Variants in B3GALT1 observed in about 807,000 individuals in gnomAD.
B3GALT1 encodes beta-1,3-galactosyltransferase 1.
A neutral mutation model predicts 23.2 loss-of-function variants in B3GALT1; 10 were observed. That is an observed-to-expected ratio of 0.43 (90% CI 0.27 to 0.73). B3GALT1 has a LOEUF of 0.73. Ranked by LOEUF, B3GALT1 falls within the 30% of genes least tolerant of loss-of-function variation. B3GALT1 has a pLI of 0.21. For missense variants in B3GALT1, 299 were observed against 405.4 expected (o/e 0.74, Z 2.25); for synonymous variants, 156 against 141.5 (o/e 1.10, Z -0.73).
intron 4 of B3GALT1, among the ~76,000 whole-genome samples, chr2:167,839,019 G>T (rs1442227248): frequency 4.9e-4 from 75 of 152,358 alleles, no homozygotes; most frequent in African/African-American, 1.7e-3. Flanking sequence ...GTATTGATGG[G>T]ACGTATCTGA....
At position 167,576,839 on chromosome 2, in the gene B3GALT1, A is replaced by G. The variant is rs1257339494; in HGVS notation, c.-409-70070A>G. The stretch of plus-strand genomic sequence containing the variant: ...GGGAAATTAATGCGACTCTCACCAC[A>G]TTCACCCTGCCTTATCTTCTTGCCA... On this transcript the variant is annotated intron_variant, in intron 2 of 4. Coordinates refer to ENST00000392690, the MANE Select transcript of B3GALT1 (RefSeq NM_020981.4). Among the ~76,000 whole-genome samples the G allele has an allele frequency of 9.9e-5, 15 of 151,700 alleles. 1 individual carries two copies.
intron 2 of B3GALT1, among the ~76,000 whole-genome samples, chr2:167,625,403 A>C (rs902718110): frequency 6.6e-6 from 1 of 151,876 alleles, no homozygotes; most frequent in African/African-American, 2.4e-5. Context: ...AATATTATGT[A>C]ATGGGCTAAA....
intron 1 of B3GALT1, among the ~76,000 whole-genome samples, chr2:167,462,349 T>C (rs1303069202): frequency 6.6e-6 from 1 of 152,184 alleles, no homozygotes; most frequent in African/African-American, 2.4e-5. Flanking sequence ...TGCCATAAAA[T>C]TTGAAAGTCC....
At chr2:167,642,947 C>A (rs1246007738) in intron 2 of B3GALT1, among the ~76,000 whole-genome samples, 2 of 152,074 alleles carry the variant, frequency 1.3e-5, no homozygotes, top group Non-Finnish European at 2.9e-5. Flanking sequence ...TTTATACTTT[C>A]AGAGGACTCA....
At chr2:167,352,168 C>T (rs1019486643) in intron 1 of B3GALT1, among the ~76,000 whole-genome samples, 18 of 149,778 alleles carry the variant, frequency 1.2e-4, no homozygotes, top group Non-Finnish European at 2.4e-4. Flanking sequence ...GGGGTTTCCC[C>T]ATGTTGGCCA....
chr2:167,554,085 C>T (rs1378050238), intron 2 of B3GALT1, among the ~76,000 whole-genome samples: 3 of 152,180 alleles, frequency 2.0e-5, no homozygotes, highest in Admixed American at 2.0e-4. Flanking sequence ...CCGCTGGTCA[C>T]TGGCCTAGAT....
intron 1 of B3GALT1, among the ~76,000 whole-genome samples, chr2:167,366,273 G>A (rs562369559): frequency 4.6e-5 from 7 of 152,070 alleles, no homozygotes; most frequent in Non-Finnish European, 8.8e-5. Flanking sequence ...TACCTGTTTG[G>A]CTCCAAAATT....
At chr2:167,466,879 ATTTTTTTTT>A (rs567975404) in intron 1 of B3GALT1, among the ~76,000 whole-genome samples, 5 of 85,048 alleles carry the variant, frequency 5.9e-5, no homozygotes, top group East Asian at 3.7e-4. Flanking sequence ...CGCCTGGCTA[ATTTTTTTTT>A]TTTTTTTTTT....
intron 3 of B3GALT1, among the ~76,000 whole-genome samples, chr2:167,783,514 A>G (rs1574260475): frequency 6.6e-6 from 1 of 152,226 alleles, no homozygotes; most frequent in Non-Finnish European, 1.5e-5. Flanking sequence ...ATCTGAAGAA[A>G]AAAAGGAATA....
intron 3 of B3GALT1, among the ~76,000 whole-genome samples, chr2:167,672,147 A>G (rs1315013078): frequency 6.6e-6 from 1 of 151,972 alleles, no homozygotes; most frequent in Non-Finnish European, 1.5e-5. Flanking sequence ...TTAACCTGAA[A>G]TTTTTCAGAA....
At chr2:167,460,157 C>A (rs10186995) in intron 1 of B3GALT1, among the ~76,000 whole-genome samples, 17,124 of 152,128 alleles carry the variant, frequency 0.11, 1,125 homozygotes, top group African/African-American at 0.19. Context: ...TGTTTTTTAT[C>A]AAATTTGCAA....
At chr2:167,450,277 T>A (rs988677829) in intron 1 of B3GALT1, among the ~76,000 whole-genome samples, 1 of 152,080 alleles carries the variant, frequency 6.6e-6, no homozygotes, top group South Asian at 2.1e-4. Flanking sequence ...GGCTGCTTGT[T>A]ATTGGTCTAG....
intron 4 of B3GALT1, among the ~76,000 whole-genome samples, chr2:167,832,878 T>C (rs1367834733): frequency 6.6e-6 from 1 of 152,224 alleles, no homozygotes; most frequent in Admixed American, 6.5e-5. Context: ...ATCCATTACA[T>C]GAACATGGGT....
At chr2:167,721,484 G>A (rs573427808) in intron 3 of B3GALT1, among the ~76,000 whole-genome samples, 1 of 152,244 alleles carries the variant, frequency 6.6e-6, no homozygotes, top group African/African-American at 2.4e-5. Flanking sequence ...GAAAATGCCA[G>A]ATGTATCTTA....
intron 1 of B3GALT1, among the ~76,000 whole-genome samples, chr2:167,444,827 C>G (rs1698955477): frequency 6.6e-6 from 1 of 151,996 alleles, no homozygotes; most frequent in East Asian, 1.9e-4. Context: ...CTCCTGGATT[C>G]GTTGATTTTT....
At chr2:167,770,675 C>G (rs755035046) in intron 3 of B3GALT1, among the ~76,000 whole-genome samples, 3 of 151,988 alleles carry the variant, frequency 2.0e-5, no homozygotes, top group Admixed American at 6.6e-5. Context: ...TTCCACTAAA[C>G]CTGAGAAATC....
At chr2:167,657,217 AAACT>A (rs1685969839) in intron 3 of B3GALT1, among the ~76,000 whole-genome samples, 1 of 152,136 alleles carries the variant, frequency 6.6e-6, no homozygotes, top group South Asian at 2.1e-4. Flanking sequence ...TTGAGTTTGC[AAACT>A]TTAAAGCTAA....
At chr2:167,727,775 A>G (rs1222215618) in intron 3 of B3GALT1, among the ~76,000 whole-genome samples, 1 of 152,198 alleles carries the variant, frequency 6.6e-6, no homozygotes, top group Non-Finnish European at 1.5e-5. Flanking sequence ...TTGATATTAA[A>G]CTTGTGAGGC....
intron 1 of B3GALT1, among the ~76,000 whole-genome samples, chr2:167,332,818 A>G (rs1391621804): frequency 1.3e-5 from 2 of 152,212 alleles, no homozygotes; most frequent in African/African-American, 2.4e-5. Context: ...TCTTACTGTT[A>G]TCAGTTAAGC....
Sources: gnomAD v4.1 joint callset for allele counts (sites outside exome capture counted in the v4.1 genomes callset) on GRCh38, gnomAD v4.1.1 for gene constraint, MANE v1.5 for transcripts, NCBI Gene and HGNC (gene_info 2026-07-23, HGNC 2026-07-21) for gene names.